Variants in COL24A1 observed in about 807,000 individuals in gnomAD.
COL24A1 encodes collagen alpha-1(XXIV) chain.
Under a neutral mutation model 253.9 loss-of-function variants are expected in COL24A1, and 224 were observed. The ratio of observed to expected loss-of-function variants is 0.88; its 90% CI spans 0.79 to 0.99. COL24A1 has a LOEUF of 0.99. Ranked by LOEUF, COL24A1 falls within the 50% of genes least tolerant of loss-of-function variation. The pLI is 0.00. For synonymous variants in COL24A1, 685 were observed against 673.7 expected, an observed-to-expected ratio of 1.02 and a Z score of -0.26; for missense variants, 2,131 against 2,068.5, an observed-to-expected ratio of 1.03 and a Z score of -0.59.
intron 2 of COL24A1, among the ~76,000 whole-genome samples, chr1:86,143,392 AGT>A (rs1651430892): frequency 6.6e-6 from 1 of 152,194 alleles, no homozygotes; most frequent in Admixed American, 6.5e-5. Context: ...ATTTAGTGAT[AGT>A]GACATAGAAC....
In COL24A1 at chr1:85,739,795, T is replaced by A. The variant is rs552104783; in HGVS notation, c.4673-2290A>T. On this transcript the variant is annotated intron_variant, in intron 57 of 59. Transcript: ENST00000370571. ...AACCCTCTTACTTTTCCACCAATGATCTTGTACCCTCCCCCTACCCTCGTA... is the reference window on the plus strand; with the variant it reads ...AACCCTCTTACTTTTCCACCAATGAACTTGTACCCTCCCCCTACCCTCGTA... 2.0e-5 allele frequency among the ~76,000 whole-genome samples: 3 copies of A among 152,256 alleles called. No homozygotes were observed. The East Asian group carries it at 5.8e-4, about 29-fold the overall frequency.
intron 53 of COL24A1, among the ~76,000 whole-genome samples, 180 bp downstream of exon 53, chr1:85,775,492 TTG>T (rs1240883749): frequency 6.6e-6 from 1 of 152,134 alleles, no homozygotes; most frequent in Non-Finnish European, 1.5e-5. Context: ...CCCATTATTA[TTG>T]TGTGAGTCTA....
At chr1:85,967,264 A>C (rs1190782278) in intron 22 of COL24A1, among the ~76,000 whole-genome samples, 1 of 152,232 alleles carries the variant, frequency 6.6e-6, no homozygotes, top group African/African-American at 2.4e-5. Flanking sequence ...ATGAGAGATA[A>C]CTGAAAGGAG....
chr1:86,037,545 A>G (rs1455569341), intron 12 of COL24A1, among the ~76,000 whole-genome samples: 2 of 152,106 alleles, frequency 1.3e-5, no homozygotes, highest in Non-Finnish European at 2.9e-5. Context: ...CCATTCTACA[A>G]CCTCAAGGTA....
intron 7 of COL24A1, among the ~76,000 whole-genome samples, chr1:86,082,953 G>A (rs1702761379): frequency 2.0e-5 from 3 of 151,858 alleles, no homozygotes; most frequent in South Asian, 2.1e-4. Flanking sequence ...GGATTTTGGA[G>A]CACTTCGGAT....
Position 85,973,237 on chromosome 1 carries a change from TCTA to T in COL24A1, c.2365-1847_2365-1845del, listed in dbSNP as rs563629488. ...TTTTCATCTGAAATTTTATTAATTT[TCTA>T]CTATGTATAAGGCTCAATTAACAGC... On this transcript the variant is annotated intron_variant, in intron 20 of 59. Coordinates refer to ENST00000370571, the MANE Select transcript of COL24A1 (RefSeq NM_152890.7). Among the ~76,000 whole-genome samples the T allele has an allele frequency of 2.4e-3, 373 of 152,320 alleles. 1 individual carries two copies. Among genetic ancestry groups the T allele is most frequent in the African/African-American group, 7.6e-3 (318 of 41,574 alleles).
intron 24 of COL24A1, among the ~76,000 whole-genome samples, chr1:85,943,380 T>C (rs1112326): frequency 0.74 from 112,857 of 152,092 alleles, 41,958 homozygotes; most frequent in East Asian, 0.79. Flanking sequence ...AGTAAGTCCT[T>C]TCTCATATAT....
intron 10 of COL24A1, among the ~76,000 whole-genome samples, chr1:86,050,611 G>T (rs1048853555): frequency 2.6e-5 from 4 of 152,098 alleles, no homozygotes; most frequent in Admixed American, 2.6e-4. Context: ...CTTGAGATAG[G>T]TCTAGAGAAT....
At chr1:86,052,329 C>T (rs149942058) in intron 10 of COL24A1, among the ~76,000 whole-genome samples, 459 of 151,976 alleles carry the variant, frequency 3.0e-3, no homozygotes, top group African/African-American at 8.8e-3. Flanking sequence ...ATAGAAGCAA[C>T]GTAAATGTTC....
chr1:86,132,626 C>T (rs1479916259), intron 2 of COL24A1, among the ~76,000 whole-genome samples: 2 of 152,160 alleles, frequency 1.3e-5, no homozygotes, highest in African/African-American at 4.8e-5. Context: ...ATAGGGAATC[C>T]TTTCCCCATT....
chr1:85,748,188 C>G (rs1665480578), intron 55 of COL24A1, among the ~76,000 whole-genome samples: 1 of 152,130 alleles, frequency 6.6e-6, no homozygotes, highest in Non-Finnish European at 1.5e-5. Flanking sequence ...AAATGGAAGG[C>G]TAACTTCATT....
At chr1:85,897,856 G>C (rs745747829) in intron 28 of COL24A1, among the ~76,000 whole-genome samples, 5 of 152,038 alleles carry the variant, frequency 3.3e-5, no homozygotes, top group Non-Finnish European at 7.4e-5. Context: ...AGAGAGATAA[G>C]ACATGCCAAG....
At chr1:85,822,701 C>A (rs181251086) in intron 45 of COL24A1, among the ~76,000 whole-genome samples, 17 of 152,300 alleles carry the variant, frequency 1.1e-4, no homozygotes, top group African/African-American at 3.4e-4. Context: ...GGCTCCTGAA[C>A]CTTCTAAGCC....
intron 5 of COL24A1, among the ~76,000 whole-genome samples, chr1:86,104,909 C>G (rs1704812883): frequency 6.6e-6 from 1 of 152,212 alleles, no homozygotes; most frequent in East Asian, 1.9e-4. Flanking sequence ...GAGAGACCAG[C>G]CTCCATGCAG....
intron 7 of COL24A1, among the ~76,000 whole-genome samples, chr1:86,073,368 T>C (rs1702005841): frequency 6.6e-6 from 1 of 151,948 alleles, no homozygotes; most frequent in Admixed American, 6.6e-5. Context: ...CAAAAGAGGA[T>C]ATCAGAGATT....
chr1:86,029,221 A>G (rs1698323332), intron 14 of COL24A1, among the ~76,000 whole-genome samples: 1 of 152,082 alleles, frequency 6.6e-6, no homozygotes, highest in African/African-American at 2.4e-5. Context: ...TAATATACAC[A>G]TAAGGGAGTA....
rs892202085 is a variant in COL24A1, at chr1:85,799,432, G to A, written c.3952-12971C>T. ...CCAATGGAAAGATGTCCTTATCCTC[G>A]GTTGAAAATATTCCAAGGAACTTGC... On this transcript the variant is annotated intron_variant, in intron 47 of 59. Transcript: ENST00000370571. 2.4e-4 allele frequency among the ~76,000 whole-genome samples: 35 copies of A among 146,646 alleles called. 1 individual carries two copies. The highest frequency in any genetic ancestry group is 6.9e-3 in the Middle Eastern group (2 of 288).
intron 3 of COL24A1, among the ~76,000 whole-genome samples, chr1:86,122,587 T>A (rs4144875): frequency 1.3e-5 from 2 of 151,674 alleles, no homozygotes; most frequent in Non-Finnish European, 2.9e-5. Context: ...ACTTTCCCTC[T>A]TAATTACAGT....
chr1:86,020,218 C>T (rs771852585), intron 18 of COL24A1, among the ~76,000 whole-genome samples: 7 of 151,918 alleles, frequency 4.6e-5, no homozygotes, highest in Non-Finnish European at 7.4e-5. Flanking sequence ...CAGGTGCCTG[C>T]CACTATGCCT....
Sources: gnomAD v4.1 joint callset for allele counts (sites outside exome capture counted in the v4.1 genomes callset) on GRCh38, gnomAD v4.1.1 for gene constraint, MANE v1.5 for transcripts, NCBI Gene and HGNC (gene_info 2026-07-23, HGNC 2026-07-21) for gene names.